The following IGSF5 variants were observed in gnomAD, a reference collection of about 807,000 sequenced individuals.
IGSF5 encodes immunoglobulin superfamily 5 like.
Under a neutral mutation model 39.4 loss-of-function variants are expected in IGSF5, and 41 were observed. The observed-to-expected ratio is 1.04, with a 90% confidence interval of 0.81 to 1.35. IGSF5 has a LOEUF of 1.35. Among genes scored for constraint, IGSF5 ranks in the 40% most tolerant of loss-of-function variants. IGSF5 has a pLI of 0.00. For missense variants in IGSF5, 487 were observed against 494.6 expected, an observed-to-expected ratio of 0.98 and a Z score of 0.15; for synonymous variants, 183 against 175.3, an observed-to-expected ratio of 1.04 and a Z score of -0.34.
At chr21:39,769,654 C>T (rs1360323562) in intron 3 of IGSF5, among the ~76,000 whole-genome samples, 1 of 151,958 alleles carries the variant, frequency 6.6e-6, no homozygotes. Context: ...GAAGAGACAG[C>T]TATGAGAATC....
chr21:39,767,074 G>A (rs1016898665), intron 3 of IGSF5, among the ~76,000 whole-genome samples: 2 of 152,160 alleles, frequency 1.3e-5, no homozygotes, highest in Non-Finnish European at 2.9e-5. Flanking sequence ...TTCTAAATAA[G>A]TGATTTTATA....
In IGSF5 at chr21:39,770,949, T is replaced by G; in HGVS notation, c.452T>G (p.Leu151Arg). Residue 151 changes from leucine (L) to arginine (R), a missense_variant, in exon 4 of 9, where the codon CTT becomes CGT. Transcript: ENST00000380588. ...GAGCTGTTCATTCCCAGTGTTAATCTTGTAGTCGCTGAGAATGAACCTTGT... is the reference window on the plus strand; with the variant it reads ...GAGCTGTTCATTCCCAGTGTTAATCGTGTAGTCGCTGAGAATGAACCTTGT... ...MGELFIPSVN[L>R]VVAENEPCEV... 6.3e-7 allele frequency: 1 copy of G among 1,597,212 alleles called. No homozygotes were observed. The highest frequency in any genetic ancestry group is 2.2e-5 in the East Asian group (1 of 44,542).
At chr21:39,720,981 C>T in the IGSF5 span, among the ~76,000 whole-genome samples, 3 of 152,184 alleles carry the variant, frequency 2.0e-5, no homozygotes, top group Non-Finnish European at 4.4e-5. Context: ...CCTTATGTCA[C>T]GTGGCTGGTG....
rs1045015638 is a variant in IGSF5, at chr21:39,746,312, C to T, written c.100+14C>T. 1 of 699,908 alleles carries T rather than the reference C, an allele frequency of 1.4e-6. No individual in the cohort carries two copies. The highest frequency in any genetic ancestry group is 1.7e-5 in the African/African-American group (1 of 57,168). 43.4% of individuals were successfully genotyped at this position (699,908 alleles called of 1,614,324 possible). On this transcript the variant is annotated intron_variant, in intron 2 of 8. Transcript: ENST00000380588. ...CAGTGGTGGACGGTGAGTGAAAGCT[C>T]AGCTCGAGCCGTAACAAACACGGAC...
intron 2 of IGSF5, among the ~76,000 whole-genome samples, chr21:39,758,001 G>A (rs2837167): frequency 0.21 from 31,739 of 152,110 alleles, 4,341 homozygotes; most frequent in Non-Finnish European, 0.31. Context: ...GAAGACTTCT[G>A]AACGGTAGAT....
Position 39,785,532 on chromosome 21 carries a change from C to T in IGSF5, c.935-2635C>T, listed in dbSNP as rs1480532605. On this transcript the variant is annotated intron_variant, in intron 5 of 8. Coordinates refer to ENST00000380588, the MANE Select transcript of IGSF5 (RefSeq NM_001080444.2). ...TTCTTTTGGCTTAGGATTGATTTGG[C>T]GATGTGGGCTCTTTTTTGGTTCCAT... Among the ~76,000 whole-genome samples, 7 of 151,996 alleles carry T rather than the reference C, an allele frequency of 4.6e-5. No homozygotes were observed. The East Asian group carries it at 5.8e-4, about 13-fold the overall frequency.
rs758936711 is a variant in IGSF5 at position 39,779,176 on chromosome 21, C to T, written c.805C>T (p.Leu269Phe). Residue 269 changes from leucine to phenylalanine, a missense_variant, in exon 5 of 9, where the codon CTT becomes TTT. By Grantham distance (22) the Leu-to-Phe change is conservative. Transcript: ENST00000380588. ...FSLPTWGKVG[L>F]GLAGTMLLTP... is the part of the protein sequence containing the mutation. ...ATTGCCTACTTGGGGCAAAGTTGGA[C>T]TTGGACTAGCAGGCACCATGCTTCT... is the stretch of plus-strand genomic sequence containing the variant. 1.2e-6 allele frequency: 2 copies of T among 1,614,124 alleles called. No homozygotes were observed. The highest frequency in any genetic ancestry group is 1.7e-6 in the Non-Finnish European group (2 of 1,180,012).
chr21:39,760,674 G>T (rs56378314), intron 2 of IGSF5, among the ~76,000 whole-genome samples: 3 of 151,758 alleles, frequency 2.0e-5, no homozygotes, highest in Admixed American at 2.0e-4. Flanking sequence ...ATGTTAAAGC[G>T]ATTCTCCTGC....
At chr21:39,753,920 G>GT (rs59611119) in intron 2 of IGSF5, among the ~76,000 whole-genome samples, 123,659 of 151,562 alleles carry the variant, frequency 0.82, 50,610 homozygotes, top group Admixed American at 0.86. Flanking sequence ...TTTGGTTGGT[G>GT]TTTTTTTGTT....
intron 4 of IGSF5, 111 bp downstream of exon 4, chr21:39,771,326 AT>A: frequency 2.0e-6 from 2 of 997,214 alleles, no homozygotes; most frequent in Non-Finnish European, 1.4e-6. Context: ...GGCGACCTTG[AT>A]TTTGGGTGGG....
the IGSF5 span, chr21:39,729,545 A>G: frequency 6.6e-6 from 1 of 152,264 alleles, no homozygotes; most frequent in East Asian, 1.9e-4. Context: ...AGCACATTGT[A>G]GTCTCTGACT....
chr21:39,792,554 T>G (rs1057097522), intron 7 of IGSF5, among the ~76,000 whole-genome samples: 1 of 152,088 alleles, frequency 6.6e-6, no homozygotes, highest in East Asian at 1.9e-4. Flanking sequence ...TTCCCCATGC[T>G]TTCTTTTTTG....
upstream of IGSF5, among the ~76,000 whole-genome samples, chr21:39,742,362 A>G (rs568969873): frequency 1.3e-5 from 2 of 152,278 alleles, no homozygotes; most frequent in South Asian, 4.1e-4. Flanking sequence ...TCGGATAGTG[A>G]CAGATCTGGA....
chr21:39,768,227 C>T (rs1210787330), intron 3 of IGSF5, among the ~76,000 whole-genome samples: 2 of 152,040 alleles, frequency 1.3e-5, no homozygotes, highest in African/African-American at 2.4e-5. Context: ...CTGAATGGCA[C>T]TTAGTTCCTA....
chr21:39,712,759 G>A, the IGSF5 span, among the ~76,000 whole-genome samples: 5 of 152,138 alleles, frequency 3.3e-5, no homozygotes, highest in Admixed American at 6.5e-5. Context: ...TCTCTTCCAC[G>A]GTGAATGCTG....
intron 6 of IGSF5, among the ~76,000 whole-genome samples, chr21:39,791,477 T>C (rs181730623): frequency 1.1e-4 from 17 of 152,282 alleles, no homozygotes; most frequent in Admixed American, 1.1e-3. Context: ...GCACCAACTT[T>C]TGCTTTATTT....
the IGSF5 span, among the ~76,000 whole-genome samples, chr21:39,728,722 A>C: frequency 6.6e-6 from 1 of 152,222 alleles, no homozygotes; most frequent in African/African-American, 2.4e-5. Flanking sequence ...GCAAAGAGGG[A>C]GACACTGCTG....
upstream of IGSF5, among the ~76,000 whole-genome samples, chr21:39,743,856 G>A (rs374025064): frequency 5.3e-5 from 8 of 152,196 alleles, no homozygotes; most frequent in East Asian, 7.7e-4. Flanking sequence ...AGAATATCAC[G>A]GCCAGGCGGT....
chr21:39,728,981 A>G, the IGSF5 span, among the ~76,000 whole-genome samples: 1 of 152,126 alleles, frequency 6.6e-6, no homozygotes, highest in Non-Finnish European at 1.5e-5. Context: ...AATACCTAGG[A>G]CCCAATCTTT....
Sources: allele counts gnomAD v4.1 joint callset (sites outside exome capture counted in the v4.1 genomes callset), GRCh38; gene constraint gnomAD v4.1.1; transcripts MANE v1.5; gene names NCBI Gene and HGNC (gene_info 2026-07-23, HGNC 2026-07-21).